AP5Z1: variants seen among roughly 807,000 people sequenced by gnomAD.
AP5Z1 encodes AP-5 complex subunit zeta-1.
In AP5Z1, 106 loss-of-function variants were observed where a neutral mutation model predicts 83.0. The observed-to-expected ratio is 1.28, with a 90% CI of 1.09 to 1.50. The LOEUF is 1.50. Among genes scored for constraint, AP5Z1 ranks in the 40% most tolerant of loss-of-function variants. The pLI, the probability that AP5Z1 is intolerant of heterozygous loss-of-function variation, is 0.00. For synonymous variants in AP5Z1, 751 were observed against 514.1 expected (o/e 1.46, Z -6.23); for missense variants, 1,565 against 1,094.2 (o/e 1.43, Z -6.07).
chr7:4,776,822 G>A (rs1781242478), intron 1 of AP5Z1, among the ~76,000 whole-genome samples: 1 of 152,136 alleles, frequency 6.6e-6, no homozygotes, highest in Non-Finnish European at 1.5e-5. Flanking sequence ...GTGAGAGGCC[G>A]AAGCAGGAGA....
At chr7:4,781,528 G>C in intron 2 of AP5Z1, 40 bp from the exon 3 acceptor site, 1 of 1,591,498 alleles carries the variant, frequency 6.3e-7, no homozygotes, top group Non-Finnish European at 8.6e-7. Flanking sequence ...TGCCACGGTC[G>C]TGACGTGTTA....
Position 4,786,246 on chromosome 7 carries a change from G to A in AP5Z1, c.1133-4G>A, listed in dbSNP as rs762370955. 4.4e-6 allele frequency: 7 copies of A among 1,598,202 alleles called. 1 individual carries two copies. Among genetic ancestry groups the A allele is most frequent in the Non-Finnish European group, 4.3e-6 (5 of 1,170,752 alleles). The stretch of plus-strand genomic sequence containing the variant: ...GTGTGCCCTGGCGGGCCCTGGTCTT[G>A]CAGGGGAAGCGGCTGCAGTGGACTC... On this transcript the variant is annotated splice_region_variant and splice_polypyrimidine_tract_variant and intron_variant, in intron 9 of 16. Transcript: ENST00000649063.
intron 10 of AP5Z1, 24 bp from the exon 11 acceptor site, chr7:4,787,610 C>T (rs564252066): frequency 2.1e-5 from 32 of 1,544,264 alleles, no homozygotes; most frequent in East Asian, 7.3e-5. Flanking sequence ...GAGCCGTGTC[C>T]GAACCGCTGT....
chr7:4,783,247 C>A, intron 3 of AP5Z1, 69 bp from the exon 4 acceptor site: 1 of 1,493,180 alleles, frequency 6.7e-7, no homozygotes, highest in South Asian at 1.3e-5. Flanking sequence ...GTCACACAGA[C>A]TTCCGAAATG....
chr7:4,786,420 C>G lies in AP5Z1; in HGVS notation c.1303C>G (p.Leu435Val), dbSNP rs771938137. ...LSTLRLSFPN[L>V]FKFLAWNSPP... ...CACCCTCAGATTGAGCTTCCCCAACCTCTTTAAGGTATATTTGGGCATCCC... is the reference window on the plus strand; with the variant it reads ...CACCCTCAGATTGAGCTTCCCCAACGTCTTTAAGGTATATTTGGGCATCCC... The change falls in exon 10 of 17, where the codon CTC (leucine) becomes GTC (valine). Residue 435 changes from leucine to valine, a missense_variant. Physicochemically the swap from Leu to Val is conservative, Grantham distance 32. Transcript: ENST00000649063. 5.6e-6 allele frequency: 9 copies of G among 1,613,834 alleles called. No homozygotes were observed. Among genetic ancestry groups the G allele is most frequent in the South Asian group, 5.5e-5 (5 of 91,072 alleles).
At chr7:4,791,016 AAG>A (rs1465056394) in intron 16 of AP5Z1, 97 bp from the exon 17 acceptor site, 1 of 1,470,058 alleles carries the variant, frequency 6.8e-7, no homozygotes, top group Admixed American at 2.3e-5. Flanking sequence ...TGCTGAGCTA[AAG>A]CCACTCTGCT....
intron 1 of AP5Z1, 35 bp downstream of exon 1, chr7:4,775,791 G>T: frequency 6.3e-7 from 1 of 1,598,348 alleles, no homozygotes; most frequent in Non-Finnish European, 8.5e-7. Flanking sequence ...CCTCCTTCCT[G>T]CATCTCTCCC....
In AP5Z1 at chr7:4,784,213, T is replaced by C. The variant is rs1344932862; in HGVS notation, c.632T>C (p.Val211Ala). ...STPRARQPGP[V>A]TEVDGAVATD... Reference sequence around the variant, plus strand: ...CTGTCCTTCCCACAGCCGGGCCCCGTCACCGAGGTGGACGGGGCGGTAGCC... The same window carrying C: ...CTGTCCTTCCCACAGCCGGGCCCCGCCACCGAGGTGGACGGGGCGGTAGCC... The change falls in exon 6 of 17, where the codon GTC becomes GCC. Residue 211 changes from valine (V) to alanine (A), a missense_variant. By Grantham distance (64) the Val-to-Ala change is moderately conservative (BLOSUM62 0). Coordinates refer to ENST00000649063, the MANE Select transcript of AP5Z1 (RefSeq NM_014855.3). The C allele has an allele frequency of 2.0e-6, 3 of 1,521,320 alleles. No individual in the cohort carries two copies. The South Asian group carries it at 3.5e-5, about 18-fold the overall frequency. 94.2% of individuals were successfully genotyped at this position (1,521,320 alleles called of 1,614,324 possible).
In AP5Z1 at chr7:4,789,933, G is replaced by A. The variant is rs1009050478; in HGVS notation, c.1805+4G>A. On this transcript the variant is annotated splice_donor_region_variant and intron_variant, in intron 14 of 16. Transcript: ENST00000649063. ...GGTACGCTGCCGGTGTGCACAGGTA[G>A]GTCCCTCCTGCGCTCCTGCCACAGC... 6.5e-7 allele frequency: 1 copy of A among 1,533,102 alleles called. No individual in the cohort carries two copies. The highest frequency in any genetic ancestry group is 1.4e-5 in the African/African-American group (1 of 72,820). 95.0% of individuals were successfully genotyped at this position (1,533,102 alleles called of 1,614,324 possible).
In AP5Z1 at chr7:4,789,013, G is replaced by A. The variant is rs563055131; in HGVS notation, c.1707+62G>A. 1.1e-5 allele frequency: 16 copies of A among 1,424,476 alleles called. No individual in the cohort carries two copies. In the African/African-American group the frequency reaches 2.3e-4, roughly 20 times the overall value. The allele number at this position is 1,424,476 out of a possible 1,614,324, so 88.2% of individuals were successfully genotyped here. ...CCTCACAACTGAGGGGCAGGCCAGA[G>A]CCAGCACTGGGGGGCCCTCTTGAGC... On this transcript the variant is annotated intron_variant, in intron 13 of 16. Coordinates refer to ENST00000649063, the MANE Select transcript of AP5Z1 (RefSeq NM_014855.3).
rs773010480 is a variant in AP5Z1, at chr7:4,775,640, T to G, written c.-76T>G. ...GCTCACGTGACGCGGTCCCGGAAGT[T>G]GACCGGGGTGCGGAGCTCCTGGGCT... On this transcript the variant is annotated 5_prime_UTR_variant, in exon 1 of 17. Coordinates refer to ENST00000649063, the MANE Select transcript of AP5Z1 (RefSeq NM_014855.3). The G allele has an allele frequency of 1.3e-6, 2 of 1,587,872 alleles. No individual in the cohort carries two copies. The highest frequency in any genetic ancestry group is 1.7e-6 in the Non-Finnish European group (2 of 1,170,666).
At chr7:4,786,618 G>C (rs907781672) in intron 10 of AP5Z1, among the ~76,000 whole-genome samples, 190 bp downstream of exon 10, 13 of 152,182 alleles carry the variant, frequency 8.5e-5, no homozygotes, top group African/African-American at 3.1e-4. Context: ...GATTGACGGT[G>C]CTGTCCAAGA....
In AP5Z1 at chr7:4,788,876, C is replaced by T. The variant is rs373183061; in HGVS notation, c.1632C>T (p.Ala544=). ...TCCACCAGCTGCTGCAGCCCATGGC[C>T]GGCTGTGCCCGCGTGGCCCAGTGTG... The part of the protein sequence containing the change: ...APLHQLLQPM[A]GCARVAQCAQ... The change falls in exon 13 of 17, where the codon GCC becomes GCT. Residue 544 remains alanine, a synonymous_variant. Transcript: ENST00000649063. The T allele has an allele frequency of 6.7e-5, 108 of 1,609,940 alleles. No individual in the cohort carries two copies. Among genetic ancestry groups the T allele is most frequent in the African/African-American group, 4.9e-4 (37 of 74,988 alleles).
At chr7:4,786,641 G>GTGTT (rs1219037794) in intron 10 of AP5Z1, among the ~76,000 whole-genome samples, 1 of 152,182 alleles carries the variant, frequency 6.6e-6, no homozygotes, top group Non-Finnish European at 1.5e-5. Context: ...TCCCTTGTGG[G>GTGTT]TGTTTTGGAG....
At chr7:4,788,105 G>C (rs758549991) in intron 11 of AP5Z1, 49 bp from the exon 12 acceptor site, 3 of 1,473,050 alleles carry the variant, frequency 2.0e-6, no homozygotes. Context: ...GGGTGCCCTT[G>C]AGTGCAGGGG....
At position 4,788,246 on chromosome 7, in the gene AP5Z1, G is replaced by GTCTT. The variant is rs755389865; in HGVS notation, c.1549_1552dup (p.Phe518SerfsTer15). The stretch of plus-strand genomic sequence containing the variant: ...GCCTTCCGGGACCCGCAGTTCCAGG[G>GTCTT]TCTTTTCCAATACCTGCTGCGCCCC... On this transcript the variant is annotated frameshift_variant, in exon 12 of 17. Transcript: ENST00000649063. LOFTEE classifies it high-confidence loss of function. 10 of 1,586,676 alleles carry GTCTT rather than the reference G, an allele frequency of 6.3e-6. No homozygotes were observed. In the South Asian group the frequency reaches 1.1e-4, roughly 18 times the overall value.
intron 14 of AP5Z1, 147 bp downstream of exon 14, chr7:4,790,076 A>C: frequency 8.7e-7 from 1 of 1,145,476 alleles, no homozygotes; most frequent in Non-Finnish European, 1.2e-6. Context: ...CCCCACCCAC[A>C]GCCCCACACC....
chr7:4,787,317 C>T (rs1326197212), intron 10 of AP5Z1, among the ~76,000 whole-genome samples: 2 of 151,926 alleles, frequency 1.3e-5, no homozygotes, highest in Admixed American at 6.6e-5. Flanking sequence ...ACAGGGAGAC[C>T]TCTTGTCTAC....
intron 1 of AP5Z1, 71 bp from the exon 2 acceptor site, chr7:4,781,104 C>T: frequency 6.4e-7 from 1 of 1,569,244 alleles, no homozygotes. Context: ...TTTCCCTGCT[C>T]CAAGGGTTAT....
Sources: allele counts gnomAD v4.1 joint callset (sites outside exome capture counted in the v4.1 genomes callset), GRCh38; gene constraint gnomAD v4.1.1; transcripts MANE v1.5; gene names NCBI Gene and HGNC (gene_info 2026-07-23, HGNC 2026-07-21).